DYNLT3: variants seen among roughly 807,000 people sequenced by gnomAD.
The protein encoded by DYNLT3 is dynein light chain Tctex-type 3.
Under a neutral mutation model 11.0 loss-of-function variants are expected in DYNLT3, and 4 were observed. The observed-to-expected ratio is 0.36, with a 90% confidence interval of 0.18 to 0.83. DYNLT3 has a LOEUF of 0.83. DYNLT3 is among the 40% of genes least tolerant of loss of function. The pLI is 0.47. For missense variants in DYNLT3, 91 were observed against 91.1 expected, an observed-to-expected ratio of 1.00 and a Z score of 0.01; for synonymous variants, 37 against 31.2, an observed-to-expected ratio of 1.18 and a Z score of -0.61.
Position 37,847,501 on chromosome X carries a change from A to C in DYNLT3, c.10T>G (p.Tyr4Asp). 1.0e-6 allele frequency: 1 copy of C among 982,874 alleles called. No individual in the cohort carries two copies. The highest frequency in any genetic ancestry group is 1.3e-6 in the Non-Finnish European group (1 of 778,107). The allele number at this position is 982,874 out of a possible 1,213,427, so 81.0% of individuals were successfully genotyped here. A position where few individuals can be genotyped will look rare whatever the true frequency, so the allele number is the denominator to read the frequency against. Residue 4 changes from tyrosine (Y) to aspartate (D), a missense_variant, in exon 1 of 5, where the codon TAC becomes GAC. Physicochemically the swap from Tyr to Asp is radical, Grantham distance 160. Coordinates refer to ENST00000378578, the MANE Select transcript of DYNLT3 (RefSeq NM_006520.3). MEE[Y>D]HRHCDEVGFN... is the part of the protein sequence containing the mutation. ...GGTACCTCGTCGCAGTGGCGATGGT[A>C]CTCCTCCATGGTAGCGCCGGCTCTC... is the stretch of plus-strand genomic sequence containing the variant.
intron 2 of DYNLT3, 139 bp from the exon 3 acceptor site, chrX:37,842,044 T>G: frequency 1.8e-6 from 1 of 559,054 alleles, no homozygotes; most frequent in East Asian, 4.0e-5. Flanking sequence ...AAATATACAC[T>G]TGGTAAACAT....
chrX:37,847,227 C>T, intron 1 of DYNLT3: 1 of 999,865 alleles, frequency 1.0e-6, no homozygotes, highest in East Asian at 3.4e-5. Flanking sequence ...AGGCCTCGTC[C>T]TCCCAACCCT....
chrX:37,846,464 G>T, intron 1 of DYNLT3, 106 bp from the exon 2 acceptor site: 1 of 787,215 alleles, frequency 1.3e-6, no homozygotes, highest in Non-Finnish European at 1.8e-6. Context: ...GTGTTAAAGG[G>T]CATCAGGTCT....
At chrX:37,847,109 G>A (rs747255136) in intron 1 of DYNLT3, 1 of 1,161,415 alleles carries the variant, frequency 8.6e-7, no homozygotes. Context: ...CAGCACCCGC[G>A]CTGAGGAAGC....
At chrX:37,846,414 C>T in intron 1 of DYNLT3, 56 bp from the exon 2 acceptor site, 1 of 1,127,345 alleles carries the variant, frequency 8.9e-7, no homozygotes, top group Non-Finnish European at 1.2e-6. Flanking sequence ...AAGTATGACG[C>T]TACACAGAAT....
rs1308391339 is a variant in DYNLT3 at position 37,840,397 on chromosome X, A to T, written c.*178T>A. 2.9e-6 allele frequency: 1 copy of T among 343,922 alleles called. No homozygotes were observed. Among genetic ancestry groups the T allele is most frequent in the African/African-American group, 2.7e-5 (1 of 37,317 alleles). The allele number at this position is 343,922 out of a possible 1,213,427, so 28.3% of individuals were successfully genotyped here. On this transcript the variant is annotated 3_prime_UTR_variant, in exon 5 of 5. Transcript: ENST00000378578. ...TTTAAACGATGCTGTATAGAATATG[A>T]GCTAATCTGCCAATTACTATGATAT...
Position 37,845,542 on chromosome X carries a change from C to T in DYNLT3, c.72+775G>A, listed in dbSNP as rs181363628. On this transcript the variant is annotated intron_variant, in intron 2 of 4. Coordinates refer to ENST00000378578, the MANE Select transcript of DYNLT3 (RefSeq NM_006520.3). ...GATCATTTTTTCCAATTATATTGGG[C>T]AAAAAAGTGTACATGCCCAAAGGCA... 1.7e-3 allele frequency among the ~76,000 whole-genome samples: 189 copies of T among 112,148 alleles called. 1 individual carries two copies. The highest frequency in any genetic ancestry group is 5.9e-3 in the African/African-American group (183 of 30,957).
At position 37,842,003 on chromosome X, in the gene DYNLT3, A is replaced by C. The variant is rs954575458; in HGVS notation, c.73-98T>G. ...AGTAAAAATTTATTCAAAACATAAA[A>C]TATACTTATAGCTCAATAAGGCATC... On this transcript the variant is annotated intron_variant, in intron 2 of 4. Coordinates refer to ENST00000378578, the MANE Select transcript of DYNLT3 (RefSeq NM_006520.3). 1.1e-5 allele frequency: 9 copies of C among 806,250 alleles called. No individual in the cohort carries two copies. The African/African-American group carries it at 1.7e-4, about 15-fold the overall frequency. The allele number at this position is 806,250 out of a possible 1,213,427, so 66.4% of individuals were successfully genotyped here.
intron 4 of DYNLT3, 130 bp from the exon 5 acceptor site, chrX:37,840,781 C>T (rs1470570034): frequency 3.8e-5 from 15 of 394,547 alleles, no homozygotes; most frequent in Non-Finnish European, 5.7e-5. Context: ...CACACACACA[C>T]ACACACACAT....
At chrX:37,841,737 A>C in intron 3 of DYNLT3, 45 bp downstream of exon 3, 1 of 1,114,366 alleles carries the variant, frequency 9.0e-7, no homozygotes, top group East Asian at 3.1e-5. Context: ...GAAAATCACA[A>C]TGACAAAAGC....
chrX:37,840,647 G>A lies in DYNLT3; in HGVS notation c.279C>T (p.Thr93=). The A allele has an allele frequency of 8.4e-7, 1 of 1,191,973 alleles. No individual in the cohort carries two copies. The highest frequency in any genetic ancestry group is 1.1e-6 in the Non-Finnish European group (1 of 887,688). Reference sequence around the variant, plus strand: ...TCCGGTTCTCCCATCTTACGGTACAGGTTCCTGAAACACAAAAAAAGGATT... The same window carrying A: ...TCCGGTTCTCCCATCTTACGGTACAAGTTCCTGAAACACAAAAAAAGGATT... ...SCFWDTTSDG[T]CTVRWENRTM... The change falls in exon 5 of 5, where the codon ACC becomes ACT. Residue 93 remains threonine, a synonymous_variant. Transcript: ENST00000378578.
At chrX:37,842,401 T>C in intron 2 of DYNLT3, among the ~76,000 whole-genome samples, 1 of 109,953 alleles carries the variant, frequency 9.1e-6, no homozygotes, top group South Asian at 3.7e-4. Flanking sequence ...TATATTCTCA[T>C]TCATACTATG....
In DYNLT3 at chrX:37,840,661, A is replaced by G; in HGVS notation, c.275-10T>C. The G allele has an allele frequency of 8.5e-7, 1 of 1,179,908 alleles. No individual in the cohort carries two copies. Among genetic ancestry groups the G allele is most frequent in the Non-Finnish European group, 1.1e-6 (1 of 877,857 alleles). ...CTTACGGTACAGGTTCCTGAAACAC[A>G]AAAAAAGGATTTTGAAATACCAGCA... is the stretch of plus-strand genomic sequence containing the variant. On this transcript the variant is annotated splice_polypyrimidine_tract_variant and intron_variant, in intron 4 of 4. Coordinates refer to ENST00000378578, the MANE Select transcript of DYNLT3 (RefSeq NM_006520.3).
intron 2 of DYNLT3, among the ~76,000 whole-genome samples, chrX:37,845,941 C>T (rs138978178): frequency 0.014 from 1,626 of 112,232 alleles, 35 homozygotes; most frequent in African/African-American, 0.05. Flanking sequence ...GAGGCCAAGG[C>T]GGGTGGATCA....
Position 37,841,120 on chromosome X carries a change from A to G in DYNLT3, c.197-15T>C, listed in dbSNP as rs1602195813. The G allele has an allele frequency of 8.4e-7, 1 of 1,196,489 alleles. No homozygotes were observed. The highest frequency in any genetic ancestry group is 1.1e-6 in the Non-Finnish European group (1 of 885,113). On this transcript the variant is annotated splice_polypyrimidine_tract_variant and intron_variant, in intron 3 of 4. Coordinates refer to ENST00000378578, the MANE Select transcript of DYNLT3 (RefSeq NM_006520.3). ...TGCACAGGTCACTGCAAATAAAGTCACAGAATGAGGGCACTTACAGACAAA... is the reference window on the plus strand; with the variant it reads ...TGCACAGGTCACTGCAAATAAAGTCGCAGAATGAGGGCACTTACAGACAAA...
intron 1 of DYNLT3, chrX:37,847,268 C>T: frequency 1.1e-6 from 1 of 891,247 alleles, no homozygotes; most frequent in Admixed American, 4.1e-5. Flanking sequence ...TCCGCGCGCT[C>T]CTGGCCACCC....
chrX:37,841,827 ATTGTTCCACTATGC>A lies in DYNLT3; in HGVS notation c.137_150del (p.Ser46IlefsTer7). On this transcript the variant is annotated frameshift_variant, in exon 3 of 5. Transcript: ENST00000378578. LOFTEE classifies it high-confidence loss of function. ...CCCAACTTAACCAGGTGTGTTAAGG[ATTGTTCCACTATGC>A]TTGCAGTCCACTGGTTGATGTTGTT... The A allele has an allele frequency of 8.5e-7, 1 of 1,182,357 alleles. No individual in the cohort carries two copies. Among genetic ancestry groups the A allele is most frequent in the Non-Finnish European group, 1.1e-6 (1 of 874,862 alleles).
intron 2 of DYNLT3, among the ~76,000 whole-genome samples, chrX:37,845,174 A>G (rs1395355777): frequency 8.9e-6 from 1 of 112,044 alleles, no homozygotes; most frequent in East Asian, 2.8e-4. Context: ...TACATTGTAA[A>G]GGTATTAAAA....
At chrX:37,840,801 TATATATAC>T (rs199692333) in intron 4 of DYNLT3, 150 bp from the exon 5 acceptor site, 68,304 of 440,211 alleles carry the variant, frequency 0.16, 4,712 homozygotes, top group African/African-American at 0.24. Flanking sequence ...TATATATATA[TATATATAC>T]ACATACATTT....
Sources: gnomAD v4.1 joint callset for allele counts (sites outside exome capture counted in the v4.1 genomes callset) on GRCh38, gnomAD v4.1.1 for gene constraint, MANE v1.5 for transcripts, NCBI Gene and HGNC (gene_info 2026-07-23, HGNC 2026-07-21) for gene names.